Variants in TPRG1 observed in about 807,000 individuals in gnomAD.
TPRG1 encodes tumor protein p63 regulated 1.
TPRG1 carries 29 observed loss-of-function variants against 29.3 expected under a neutral mutation model. The observed-to-expected ratio is 0.99, with a 90% CI of 0.74 to 1.35. TPRG1 has a LOEUF of 1.35. Among genes scored for constraint, TPRG1 ranks in the 40% most tolerant of loss-of-function variants. TPRG1 has a pLI of 0.00. For missense variants in TPRG1, 327 were observed against 335.0 expected (o/e 0.98, Z 0.19); for synonymous variants, 130 against 116.8 (o/e 1.11, Z -0.73).
intron 4 of TPRG1, among the ~76,000 whole-genome samples, chr3:189,286,045 A>C (rs1351972824): frequency 6.6e-6 from 1 of 151,954 alleles, no homozygotes; most frequent in African/African-American, 2.4e-5. Context: ...AATTTGTACA[A>C]TTTACCTTCA....
chr3:189,249,560 A>G (rs1741851262), intron 4 of TPRG1, among the ~76,000 whole-genome samples: 1 of 151,948 alleles, frequency 6.6e-6, no homozygotes, highest in South Asian at 2.1e-4. Context: ...ATATATTAGT[A>G]TGACAGTTAT....
At chr3:189,260,016 A>T (rs1356094107) in intron 4 of TPRG1, among the ~76,000 whole-genome samples, 2 of 152,078 alleles carry the variant, frequency 1.3e-5, no homozygotes, top group Non-Finnish European at 1.5e-5. Flanking sequence ...TAATGAGGAG[A>T]TAGAATATAG....
At chr3:189,072,609 G>C (rs1266701774) in intron 4 of TPRG1, among the ~76,000 whole-genome samples, 1 of 152,136 alleles carries the variant, frequency 6.6e-6, no homozygotes, top group Non-Finnish European at 1.5e-5. Flanking sequence ...TTGGTTGCAA[G>C]TGTTCAGTTT....
In TPRG1 at chr3:189,273,412, T is replaced by C. The variant is rs1327971152; in HGVS notation, c.479+34503T>C. ...GGCAGGGAAAATACTGCAGAGAGTTTGAAAATCAAAAGTTTTTATGTCCTT... is the reference window on the plus strand; with the variant it reads ...GGCAGGGAAAATACTGCAGAGAGTTCGAAAATCAAAAGTTTTTATGTCCTT... On this transcript the variant is annotated intron_variant, in intron 4 of 5. Transcript: ENST00000345063. Among the ~76,000 whole-genome samples, 9 of 152,074 alleles carry C rather than the reference T, an allele frequency of 5.9e-5. No individual in the cohort carries two copies. The East Asian group carries it at 1.7e-3, about 29-fold the overall frequency.
chr3:189,028,084 A>C (rs1422396820), intron 4 of TPRG1, among the ~76,000 whole-genome samples: 1 of 152,196 alleles, frequency 6.6e-6, no homozygotes, highest in Non-Finnish European at 1.5e-5. Context: ...ACTGTGTGCC[A>C]TGTGCTGGGA....
At chr3:189,316,359 G>A (rs1446922529) in intron 5 of TPRG1, among the ~76,000 whole-genome samples, 1 of 152,182 alleles carries the variant, frequency 6.6e-6, no homozygotes, top group Non-Finnish European at 1.5e-5. Context: ...TTCAAGTACT[G>A]GGTATTGGAT....
At chr3:189,049,161 G>A (rs1208028857) in intron 4 of TPRG1, among the ~76,000 whole-genome samples, 3 of 152,178 alleles carry the variant, frequency 2.0e-5, no homozygotes, top group Non-Finnish European at 2.9e-5. Context: ...GGAAGGGTGG[G>A]AATAGGTTGG....
chr3:189,117,063 C>T (rs543842390), intron 1 of TPRG1, among the ~76,000 whole-genome samples: 38 of 152,144 alleles, frequency 2.5e-4, no homozygotes, highest in Non-Finnish European at 5.4e-4. Flanking sequence ...AAGATCTTTA[C>T]TTTAAGGATG....
intron 4 of TPRG1, among the ~76,000 whole-genome samples, chr3:189,043,305 G>A (rs940872599): frequency 6.6e-6 from 1 of 152,256 alleles, no homozygotes; most frequent in Middle Eastern, 3.4e-3. Flanking sequence ...ACGGTTTAAA[G>A]GGTATTGCAA....
intron 1 of TPRG1, among the ~76,000 whole-genome samples, chr3:189,178,523 GA>G (rs995644724): frequency 6.6e-6 from 1 of 151,634 alleles, no homozygotes; most frequent in African/African-American, 2.4e-5. Context: ...CATCTCAAAG[GA>G]AAAAAAAGAA....
chr3:189,178,602 A>G (rs1018796765), intron 1 of TPRG1, among the ~76,000 whole-genome samples: 1 of 152,220 alleles, frequency 6.6e-6, no homozygotes, highest in African/African-American at 2.4e-5. Flanking sequence ...ATCTTTCTAC[A>G]ACCCTGTAAA....
chr3:189,054,491 T>C (rs1397864677), intron 4 of TPRG1, among the ~76,000 whole-genome samples: 1 of 151,860 alleles, frequency 6.6e-6, no homozygotes, highest in Non-Finnish European at 1.5e-5. Flanking sequence ...ATTGTAATTA[T>C]TTTTGGCGTG....
chr3:189,149,737 C>T (rs886619527), intron 4 of TPRG1, among the ~76,000 whole-genome samples: 3 of 152,278 alleles, frequency 2.0e-5, no homozygotes, highest in East Asian at 1.9e-4. Flanking sequence ...CTCTCACTTT[C>T]CCACACTAAC....
chr3:189,154,700 C>T lies in TPRG1; in HGVS notation c.-10+3828C>T, dbSNP rs562914075. Among the ~76,000 whole-genome samples, 10 of 152,304 alleles carry T rather than the reference C, an allele frequency of 6.6e-5. No homozygotes were observed. In the East Asian group the frequency reaches 1.9e-3, roughly 29 times the overall value. On this transcript the variant is annotated intron_variant, in intron 5 of 6. Coordinates refer to the TPRG1 transcript ENST00000412373. ...TCAGGTGATCCACCCGCCTCAGCCTCCCAAAGTGCTGGGATTACAGGCAGG... is the reference window on the plus strand; with the variant it reads ...TCAGGTGATCCACCCGCCTCAGCCTTCCAAAGTGCTGGGATTACAGGCAGG...
In TPRG1 at chr3:189,082,884, A is replaced by G. The variant is rs186555415; in HGVS notation, c.-462-44173A>G. Reference sequence around the variant, plus strand: ...CTCAAGAACGTACATTCACACACACACACAGCAGATATTTCCCTGTGTTTG... The same window carrying G: ...CTCAAGAACGTACATTCACACACACGCACAGCAGATATTTCCCTGTGTTTG... On this transcript the variant is annotated intron_variant, in intron 4 of 10. Coordinates refer to the TPRG1 transcript ENST00000433971. 3.5e-4 allele frequency among the ~76,000 whole-genome samples: 54 copies of G among 152,250 alleles called. 1 individual carries two copies. The East Asian group carries it at 9.7e-3, about 27-fold the overall frequency.
intron 4 of TPRG1, among the ~76,000 whole-genome samples, chr3:189,293,102 T>C (rs972553661): frequency 6.6e-6 from 1 of 152,182 alleles, no homozygotes; most frequent in Non-Finnish European, 1.5e-5. Flanking sequence ...TCATTAGGCA[T>C]TTCTTTTCTT....
At chr3:189,292,199 A>C (rs1208829840) in intron 4 of TPRG1, among the ~76,000 whole-genome samples, 1 of 151,676 alleles carries the variant, frequency 6.6e-6, no homozygotes, top group Non-Finnish European at 1.5e-5. Flanking sequence ...TAAAAAAGGC[A>C]GTTAAAACTT....
intron 3 of TPRG1, among the ~76,000 whole-genome samples, chr3:189,227,614 C>A (rs957872261): frequency 3.3e-5 from 5 of 152,214 alleles, no homozygotes; most frequent in African/African-American, 1.2e-4. Context: ...CTACACACTT[C>A]TTACGCTGTA....
chr3:189,274,659 C>A (rs1188493941), intron 4 of TPRG1, among the ~76,000 whole-genome samples: 2 of 152,094 alleles, frequency 1.3e-5, no homozygotes, highest in African/African-American at 4.8e-5. Flanking sequence ...ACCACTGATT[C>A]AAATTTTTGC....
Sources: gnomAD v4.1 joint callset for allele counts (sites outside exome capture counted in the v4.1 genomes callset) on GRCh38, gnomAD v4.1.1 for gene constraint, MANE v1.5 for transcripts, NCBI Gene and HGNC (gene_info 2026-07-23, HGNC 2026-07-21) for gene names.